Variants in ZBTB20 observed in about 807,000 individuals in gnomAD.
ZBTB20 encodes zinc finger and BTB domain-containing protein 20.
ZBTB20 carries 9 observed loss-of-function variants against 56.9 expected under a neutral mutation model. That is an observed-to-expected ratio of 0.16 (90% CI 0.10 to 0.28). ZBTB20 has a LOEUF of 0.28. Ranked by LOEUF, ZBTB20 falls within the 10% of genes least tolerant of loss-of-function variation. ZBTB20 has a pLI of 1.00. For missense variants in ZBTB20, 655 were observed against 1,003.0 expected, an observed-to-expected ratio of 0.65 and a Z score of 4.69; for synonymous variants, 417 against 420.7, an observed-to-expected ratio of 0.99 and a Z score of 0.11.
chr3:114,783,800 A>AAAAAAAAAAAT (rs2070292676), intron 5 of ZBTB20, among the ~76,000 whole-genome samples: 1 of 151,556 alleles, frequency 6.6e-6, no homozygotes, highest in African/African-American at 2.4e-5. Context: ...TCAAAAAAAA[A>AAAAAAAAAAAT]AAAAAAAATA....
chr3:114,600,231 T>A (rs888348805), intron 6 of ZBTB20, among the ~76,000 whole-genome samples: 1 of 151,994 alleles, frequency 6.6e-6, no homozygotes, highest in Non-Finnish European at 1.5e-5. Flanking sequence ...CTATAAAATC[T>A]CAGAGAAGGA....
intron 3 of ZBTB20, among the ~76,000 whole-genome samples, chr3:114,911,150 TTGGGGCTCAAGTAGGGGGTTG>T (rs2075521800): frequency 6.6e-6 from 1 of 151,874 alleles, no homozygotes; most frequent in South Asian, 2.1e-4. Flanking sequence ...AGTTGAAACT[TTGGGGCTCAAGTAGGGGGTTG>T]TGAACACTAG....
intron 2 of ZBTB20, among the ~76,000 whole-genome samples, chr3:114,997,160 A>G (rs2079061508): frequency 1.3e-5 from 2 of 151,936 alleles, no homozygotes; most frequent in South Asian, 4.1e-4. Flanking sequence ...CAGAAGACAA[A>G]GAGAGAAATC....
chr3:115,000,536 A>G (rs1187528375), intron 2 of ZBTB20, among the ~76,000 whole-genome samples: 1 of 151,554 alleles, frequency 6.6e-6, no homozygotes, highest in African/African-American at 2.4e-5. Context: ...CCCAACCCCT[A>G]GAAACACTTA....
intron 10 of ZBTB20, among the ~76,000 whole-genome samples, chr3:114,355,035 G>A (rs187916864): frequency 9.2e-5 from 14 of 152,264 alleles, no homozygotes; most frequent in African/African-American, 3.4e-4. Context: ...CATAACAGTG[G>A]ATCACTGAGG....
rs187063287 is a variant in ZBTB20 at position 114,578,438 on chromosome 3, C to G, written c.-294-78047G>C. ...GATAATAGCTGAGAATTTTCCAAAA[C>G]TGGAGTCCTGAGATTAATAAGTATA... On this transcript the variant is annotated intron_variant, in intron 6 of 11. Transcript: ENST00000675478. 2.4e-4 allele frequency among the ~76,000 whole-genome samples: 37 copies of G among 152,050 alleles called. No homozygotes were observed. The East Asian group carries it at 7.1e-3, about 29-fold the overall frequency.
intron 1 of ZBTB20, among the ~76,000 whole-genome samples, chr3:115,111,139 A>C (rs1040250116): frequency 1.3e-5 from 2 of 152,100 alleles, no homozygotes; most frequent in Non-Finnish European, 2.9e-5. Context: ...ACTCTATTTC[A>C]AACCGATGGC....
At chr3:114,438,100 A>G (rs1248940536) in intron 7 of ZBTB20, among the ~76,000 whole-genome samples, 11 of 152,124 alleles carry the variant, frequency 7.2e-5, no homozygotes. Context: ...AAGAAGAATA[A>G]AAGGATTGAT....
At position 114,822,577 on chromosome 3, in the gene ZBTB20, C is replaced by A. The variant is rs77825218; in HGVS notation, c.-416-21403G>T. On this transcript the variant is annotated intron_variant, in intron 4 of 11. Transcript: ENST00000675478. ...CTGGACACATCAAAAATAGAACAAG[C>A]AAAAACAAAACAAACATTCTACCTA... 3.3e-5 allele frequency among the ~76,000 whole-genome samples: 5 copies of A among 151,828 alleles called. No individual in the cohort carries two copies. The East Asian group carries it at 9.7e-4, about 29-fold the overall frequency.
chr3:115,108,821 G>A (rs1200152664), intron 1 of ZBTB20, among the ~76,000 whole-genome samples: 3 of 152,128 alleles, frequency 2.0e-5, no homozygotes, highest in South Asian at 4.1e-4. Context: ...CTTTAATATA[G>A]AATGACTCAT....
At chr3:115,110,292 T>C (rs750791490) in intron 1 of ZBTB20, among the ~76,000 whole-genome samples, 2 of 152,010 alleles carry the variant, frequency 1.3e-5, no homozygotes, top group African/African-American at 2.4e-5. Context: ...GGAGTCAGCA[T>C]GATAGCAGCC....
At chr3:115,007,807 G>A (rs894829843) in intron 2 of ZBTB20, among the ~76,000 whole-genome samples, 13 of 151,276 alleles carry the variant, frequency 8.6e-5, no homozygotes, top group African/African-American at 3.2e-4. Context: ...ATCACAAGAC[G>A]GTCAAATCCA....
At chr3:115,045,320 A>G (rs1473958798) in intron 2 of ZBTB20, among the ~76,000 whole-genome samples, 1 of 152,174 alleles carries the variant, frequency 6.6e-6, no homozygotes, top group African/African-American at 2.4e-5. Flanking sequence ...TTTTACATAT[A>G]TATGAAACAT....
chr3:114,915,976 G>A (rs181768416), intron 3 of ZBTB20, among the ~76,000 whole-genome samples: 134 of 151,724 alleles, frequency 8.8e-4, no homozygotes, highest in Non-Finnish European at 1.3e-3. Context: ...TGTAGTCTTA[G>A]GTATCCTTGA....
chr3:114,975,396 G>A (rs929483229), intron 2 of ZBTB20, among the ~76,000 whole-genome samples: 1 of 152,038 alleles, frequency 6.6e-6, no homozygotes, highest in African/African-American at 2.4e-5. Context: ...ACATATGCTT[G>A]ATTATATAAT....
intron 6 of ZBTB20, among the ~76,000 whole-genome samples, chr3:114,540,742 G>C (rs1039347875): frequency 6.6e-6 from 1 of 152,040 alleles, no homozygotes; most frequent in Non-Finnish European, 1.5e-5. Flanking sequence ...AATATAGTTA[G>C]TGCCCTTTCT....
intron 6 of ZBTB20, among the ~76,000 whole-genome samples, chr3:114,513,284 C>T (rs900901039): frequency 6.6e-6 from 1 of 152,108 alleles, no homozygotes; most frequent in South Asian, 2.1e-4. Context: ...CATCAACAGA[C>T]GTGAACAAAT....
In ZBTB20 at chr3:114,741,165, A is replaced by G. The variant is rs2066543225; in HGVS notation, c.-342-47590T>C. ...AACACAGTGAAAAAGCTTAATGGAA[A>G]AAAATGTCCTTCCTATCTCCATGCC... On this transcript the variant is annotated intron_variant, in intron 5 of 11. Coordinates refer to ENST00000675478, the MANE Select transcript of ZBTB20 (RefSeq NM_001348800.3). Among the ~76,000 whole-genome samples the G allele has an allele frequency of 2.0e-5, 3 of 152,218 alleles. No individual in the cohort carries two copies. The South Asian group carries it at 6.2e-4, about 32-fold the overall frequency.
At chr3:114,953,563 A>AT (rs1277825820) in intron 3 of ZBTB20, among the ~76,000 whole-genome samples, 1 of 152,054 alleles carries the variant, frequency 6.6e-6, no homozygotes, top group East Asian at 1.9e-4. Flanking sequence ...GAATGGCTAT[A>AT]TTAATATTGG....
Sources: gnomAD v4.1 joint callset for allele counts (sites outside exome capture counted in the v4.1 genomes callset) on GRCh38, gnomAD v4.1.1 for gene constraint, MANE v1.5 for transcripts, NCBI Gene and HGNC (gene_info 2026-07-23, HGNC 2026-07-21) for gene names.